ZNF354C: variants seen among roughly 807,000 people sequenced by gnomAD.
ZNF354C encodes zinc finger protein 354C.
In ZNF354C, 7 loss-of-function variants were observed where a neutral mutation model predicts 12.4. The observed-to-expected ratio is 0.56, with a 90% confidence interval of 0.32 to 1.06. ZNF354C has a LOEUF of 1.06. Among genes scored for constraint, ZNF354C ranks in the 50% least tolerant of loss-of-function variants. The probability of loss-of-function intolerance (pLI) is 0.04; values close to 1 mark genes in which losing one functional copy is unlikely to be tolerated. For synonymous variants in ZNF354C, 202 were observed against 224.5 expected, an observed-to-expected ratio of 0.90 and a Z score of 0.90; for missense variants, 609 against 658.0, an observed-to-expected ratio of 0.93 and a Z score of 0.81.
At chr5:179,061,380 T>C (rs1051659267) in intron 1 of ZNF354C, among the ~76,000 whole-genome samples, 6 of 152,246 alleles carry the variant, frequency 3.9e-5, no homozygotes, top group Non-Finnish European at 5.9e-5. Flanking sequence ...AGGCGGCACC[T>C]GTGGAGTATT....
In ZNF354C at chr5:179,073,055, A is replaced by C. The variant is rs571794079; in HGVS notation, c.28-3390A>C. Among the ~76,000 whole-genome samples the C allele has an allele frequency of 5.9e-5, 9 of 152,202 alleles. No homozygotes were observed. The South Asian group carries it at 1.2e-3, about 21-fold the overall frequency. On this transcript the variant is annotated intron_variant, in intron 2 of 4. Transcript: ENST00000315475. ...AGGAGGCTGAAAAAAATTGTACTAC[A>C]TACAGAGAATCAATATTTGAATGAC... is the stretch of plus-strand genomic sequence containing the variant.
intron 1 of ZNF354C, 73 bp from the exon 2 acceptor site, chr5:179,061,942 G>A (rs1174797374): frequency 5.0e-6 from 5 of 998,220 alleles, no homozygotes; most frequent in Non-Finnish European, 6.4e-6. Context: ...GGACATTATG[G>A]GCGGTTGTAA....
chr5:179,080,027 C>T lies in ZNF354C; in HGVS notation c.1595C>T (p.Pro532Leu). 6.2e-7 allele frequency: 1 copy of T among 1,611,682 alleles called. No homozygotes were observed. The highest frequency in any genetic ancestry group is 8.5e-7 in the Non-Finnish European group (1 of 1,179,254). Residue 532 changes from proline (P) to leucine (L), a missense_variant, in exon 5 of 5, where the codon CCT (proline) becomes CTT (leucine). By Grantham distance (98) the Pro-to-Leu change is moderately conservative (BLOSUM62 -3). Transcript: ENST00000315475. ...KLYKWKEYGK[P>L]FICSSSLTQY... ...TATAAGTGGAAGGAATATGGGAAAC[C>T]TTTCATCTGCAGCTCCTCACTTACC...
At position 179,082,699 on chromosome 5, in the gene ZNF354C, T is replaced by G. The variant is rs1451487247; in HGVS notation, c.*2602T>G. ...TAGTCAATGACACCAGCTTGACGGA[T>G]CTTTCTTTCTGCACCAAACCCCATT... On this transcript the variant is annotated 3_prime_UTR_variant, in exon 5 of 5. Transcript: ENST00000315475. 1.9e-6 allele frequency: 3 copies of G among 1,592,682 alleles called. No homozygotes were observed. In the African/African-American group the frequency reaches 4.1e-5, roughly 22 times the overall value.
In ZNF354C at chr5:179,080,900, G is replaced by A. The variant is rs1308385667; in HGVS notation, c.*803G>A. The A allele has an allele frequency of 1.3e-5, 2 of 152,190 alleles. No homozygotes were observed. Among genetic ancestry groups the A allele is most frequent in the African/African-American group, 4.8e-5 (2 of 41,458 alleles). The allele number at this position is 152,190 out of a possible 1,614,324, so 9.4% of individuals were successfully genotyped here. ...CTTTGTTATCTGTTGCAGAAGGGATGTATTTGGCAGAATCTCAGGCTGCAT... is the reference window on the plus strand; with the variant it reads ...CTTTGTTATCTGTTGCAGAAGGGATATATTTGGCAGAATCTCAGGCTGCAT... On this transcript the variant is annotated 3_prime_UTR_variant, in exon 5 of 5. Transcript: ENST00000315475.
At chr5:179,073,864 C>T (rs1475841666) in intron 2 of ZNF354C, among the ~76,000 whole-genome samples, 1 of 151,876 alleles carries the variant, frequency 6.6e-6, no homozygotes, top group Non-Finnish European at 1.5e-5. Context: ...ACCATGTTGC[C>T]CAGGCTGGTC....
At chr5:179,065,011 A>T (rs1561747554) in intron 2 of ZNF354C, among the ~76,000 whole-genome samples, 1 of 152,210 alleles carries the variant, frequency 6.6e-6, no homozygotes, top group African/African-American at 2.4e-5. Flanking sequence ...TGTTAATTAC[A>T]TATTTTTCTG....
rs115901342 is a variant in ZNF354C, at chr5:179,067,488, C to G, written c.27+5393C>G. Among the ~76,000 whole-genome samples, 461 of 152,228 alleles carry G rather than the reference C, an allele frequency of 3.0e-3. 2 individuals are homozygous for G. Among genetic ancestry groups the G allele is most frequent in the African/African-American group, 0.01 (434 of 41,544 alleles). ...TTCTTGGTGGGAGAAATGTCAGTGT[C>G]ACATTATACAAAGAGCACGTAAGAT... On this transcript the variant is annotated intron_variant, in intron 2 of 4. Coordinates refer to ENST00000315475, the MANE Select transcript of ZNF354C (RefSeq NM_014594.3).
At chr5:179,074,040 G>C (rs1762081836) in intron 2 of ZNF354C, among the ~76,000 whole-genome samples, 1 of 152,046 alleles carries the variant, frequency 6.6e-6, no homozygotes, top group Non-Finnish European at 1.5e-5. Flanking sequence ...CTGGAGTGCA[G>C]TGGTGTGATC....
intron 2 of ZNF354C, among the ~76,000 whole-genome samples, chr5:179,075,370 T>A (rs992450052): frequency 6.6e-6 from 1 of 151,480 alleles, no homozygotes; most frequent in Admixed American, 6.6e-5. Context: ...TGCAATGAGC[T>A]GAGATTGCAC....
intron 4 of ZNF354C, among the ~76,000 whole-genome samples, chr5:179,077,822 T>C (rs1762146293): frequency 2.7e-5 from 4 of 150,186 alleles, no homozygotes; most frequent in Admixed American, 2.7e-4. Context: ...TTTTTTTTTT[T>C]TTTTTTGAGA....
intron 2 of ZNF354C, among the ~76,000 whole-genome samples, chr5:179,073,765 C>T (rs1762078698): frequency 6.6e-6 from 1 of 151,928 alleles, no homozygotes; most frequent in Non-Finnish European, 1.5e-5. Context: ...AAACAATTCT[C>T]ATGTCTCAGC....
At chr5:179,072,009 T>G (rs1160477264) in intron 2 of ZNF354C, among the ~76,000 whole-genome samples, 1 of 152,158 alleles carries the variant, frequency 6.6e-6, no homozygotes, top group Non-Finnish European at 1.5e-5. Context: ...CTACACATTG[T>G]GTACTGTACA....
rs181673076 is a variant in ZNF354C at position 179,077,009 on chromosome 5, G to A, written c.155-62G>A. 2,282 of 1,420,956 alleles carry A rather than the reference G, an allele frequency of 1.6e-3. 6 individuals carry two copies. The highest frequency in any genetic ancestry group is 1.2e-3 in the Non-Finnish European group (1,251 of 1,012,688). The allele number at this position is 1,420,956 out of a possible 1,614,324, so 88.0% of individuals were successfully genotyped here. A position where few individuals can be genotyped will look rare whatever the true frequency, so the allele number is the denominator to read the frequency against. On this transcript the variant is annotated intron_variant, in intron 3 of 4. Transcript: ENST00000315475. ...TGTGTTGGTTCAGAGTGAGTAGTAGGTCAGTTCTAGGATTGGTCTTCATGC... is the reference window on the plus strand; with the variant it reads ...TGTGTTGGTTCAGAGTGAGTAGTAGATCAGTTCTAGGATTGGTCTTCATGC...
At position 179,082,536 on chromosome 5, in the gene ZNF354C, T is replaced by C. The variant is rs754079370; in HGVS notation, c.*2439T>C. The C allele has an allele frequency of 1.0e-4, 71 of 705,672 alleles. No homozygotes were observed. Among genetic ancestry groups the C allele is most frequent in the Non-Finnish European group, 1.5e-4 (57 of 384,336 alleles). The allele number at this position is 705,672 out of a possible 1,614,324, so 43.7% of individuals were successfully genotyped here. ...TTTTAAACATAACACGAGGAAGCTG[T>C]TAAAACTGGTGTAATAGCTCAAAAG... On this transcript the variant is annotated 3_prime_UTR_variant, in exon 5 of 5. Coordinates refer to ENST00000315475, the MANE Select transcript of ZNF354C (RefSeq NM_014594.3).
rs1205648722 is a variant in ZNF354C, at chr5:179,080,984, C to A, written c.*887C>A. Reference sequence around the variant, plus strand: ...AGTTTAATTATAGCCTTTCATTGTACTAACGAAGGATTTGAACTTAGTGAA... The same window carrying A: ...AGTTTAATTATAGCCTTTCATTGTAATAACGAAGGATTTGAACTTAGTGAA... On this transcript the variant is annotated 3_prime_UTR_variant, in exon 5 of 5. Coordinates refer to ENST00000315475, the MANE Select transcript of ZNF354C (RefSeq NM_014594.3). The A allele has an allele frequency of 6.6e-6, 1 of 151,690 alleles. No homozygotes were observed. Among genetic ancestry groups the A allele is most frequent in the African/African-American group, 2.4e-5 (1 of 41,032 alleles). The allele number at this position is 151,690 out of a possible 1,614,324, so 9.4% of individuals were successfully genotyped here. A position where few individuals can be genotyped will look rare whatever the true frequency, so the allele number is the denominator to read the frequency against.
intron 2 of ZNF354C, among the ~76,000 whole-genome samples, chr5:179,062,547 G>A (rs1057075184): frequency 6.6e-5 from 10 of 152,194 alleles, no homozygotes; most frequent in Non-Finnish European, 1.2e-4. Flanking sequence ...CATCTTCTGG[G>A]AGTTCGTGGT....
At chr5:179,069,461 G>T (rs748740060) in intron 2 of ZNF354C, among the ~76,000 whole-genome samples, 12 of 151,712 alleles carry the variant, frequency 7.9e-5, no homozygotes, top group Non-Finnish European at 1.3e-4. Context: ...TACTCAGGAG[G>T]CTGAGGCAGG....
chr5:179,065,861 A>G (rs1217493396), intron 2 of ZNF354C, among the ~76,000 whole-genome samples: 1 of 152,214 alleles, frequency 6.6e-6, no homozygotes, highest in African/African-American at 2.4e-5. Flanking sequence ...CATACTAATA[A>G]CATGACATCC....
Sources: gnomAD v4.1 joint callset for allele counts (sites outside exome capture counted in the v4.1 genomes callset) on GRCh38, gnomAD v4.1.1 for gene constraint, MANE v1.5 for transcripts, NCBI Gene and HGNC (gene_info 2026-07-23, HGNC 2026-07-21) for gene names.